PPP1R12A: variants seen among roughly 807,000 people sequenced by gnomAD.
PPP1R12A encodes the protein myosin binding subunit.
Under a neutral mutation model 139.6 loss-of-function variants are expected in PPP1R12A, and 19 were observed. That is an observed-to-expected ratio of 0.14 (90% CI 0.09 to 0.20). The LOEUF (loss-of-function observed/expected upper bound fraction) is 0.20. Among genes scored for constraint, PPP1R12A ranks in the 10% least tolerant of loss-of-function variants. The probability of loss-of-function intolerance (pLI) is 1.00; values close to 1 mark genes in which losing one functional copy is unlikely to be tolerated. For missense variants in PPP1R12A, 925 were observed against 1,211.5 expected, an observed-to-expected ratio of 0.76 and a Z score of 3.51; for synonymous variants, 427 against 420.6, an observed-to-expected ratio of 1.02 and a Z score of -0.19.
intron 18 of PPP1R12A, among the ~76,000 whole-genome samples, chr12:79,794,958 G>T (rs1015848791): frequency 6.6e-6 from 1 of 151,976 alleles, no homozygotes. Context: ...TGAAAATGAG[G>T]ATGATAGGGA....
chr12:79,882,225 A>G (rs1198932996), intron 1 of PPP1R12A, among the ~76,000 whole-genome samples: 1 of 152,198 alleles, frequency 6.6e-6, no homozygotes, highest in Admixed American at 6.5e-5. Flanking sequence ...GATTCCTCTG[A>G]TGGATCTGGG....
chr12:79,789,719 A>G, intron 20 of PPP1R12A: 1 of 442,144 alleles, frequency 2.3e-6, no homozygotes, highest in South Asian at 1.6e-5. Context: ...AATGGAGATC[A>G]AAATCAAGGA....
rs1474433434 is a variant in PPP1R12A at position 79,870,374 on chromosome 12, G to A, written c.368+2434C>T. On this transcript the variant is annotated intron_variant, in intron 2 of 24. Transcript: ENST00000450142. ...CAAGCAAGGCCTCCCAAACTGCTGG[G>A]ATTACAGGCATGAGCCACCATGCCC... Among the ~76,000 whole-genome samples the A allele has an allele frequency of 3.9e-5, 6 of 152,214 alleles. 1 individual carries two copies. Among genetic ancestry groups the A allele is most frequent in the African/African-American group, 1.2e-4 (5 of 41,544 alleles).
chr12:79,815,190 T>C (rs1875191738), intron 9 of PPP1R12A, among the ~76,000 whole-genome samples: 1 of 152,198 alleles, frequency 6.6e-6, no homozygotes, highest in Non-Finnish European at 1.5e-5. Context: ...ACAGGAAGTT[T>C]ACCGTAATCA....
intron 1 of PPP1R12A, among the ~76,000 whole-genome samples, chr12:79,890,647 T>C (rs1202018957): frequency 2.0e-5 from 3 of 152,146 alleles, no homozygotes; most frequent in Admixed American, 6.5e-5. Flanking sequence ...GCTTTCTAAT[T>C]AAACAATGGT....
chr12:79,924,260 A>G (rs1206609902), intron 1 of PPP1R12A, among the ~76,000 whole-genome samples: 2 of 152,198 alleles, frequency 1.3e-5, no homozygotes, highest in Non-Finnish European at 2.9e-5. Context: ...AATCTTGAAT[A>G]TGCTACAGAG....
intron 1 of PPP1R12A, among the ~76,000 whole-genome samples, chr12:79,894,648 C>T (rs562212770): frequency 6.6e-6 from 1 of 152,064 alleles, no homozygotes; most frequent in Admixed American, 6.5e-5. Flanking sequence ...GTTGATATTG[C>T]CTTAAAAAAA....
chr12:79,882,803 G>A (rs1390437479), intron 1 of PPP1R12A, among the ~76,000 whole-genome samples: 1 of 152,096 alleles, frequency 6.6e-6, no homozygotes, highest in Non-Finnish European at 1.5e-5. Context: ...CCAACCTTCA[G>A]CAACCACTGC....
At chr12:79,776,430 C>A (rs915309028) in intron 24 of PPP1R12A, among the ~76,000 whole-genome samples, 2 of 151,972 alleles carry the variant, frequency 1.3e-5, no homozygotes, top group Non-Finnish European at 2.9e-5. Context: ...TATTGTTCCA[C>A]AAGAAAGTCA....
chr12:79,890,718 T>C (rs187280092), intron 1 of PPP1R12A, among the ~76,000 whole-genome samples: 30 of 152,184 alleles, frequency 2.0e-4, no homozygotes, highest in Admixed American at 2.6e-4. Flanking sequence ...CATGGAGGCC[T>C]AGCTCAAAAC....
intron 1 of PPP1R12A, among the ~76,000 whole-genome samples, chr12:79,876,273 C>T (rs1883091023): frequency 6.6e-6 from 1 of 152,160 alleles, no homozygotes; most frequent in South Asian, 2.1e-4. Flanking sequence ...TACTTATTTA[C>T]CATCTGTTTA....
intron 2 of PPP1R12A, among the ~76,000 whole-genome samples, chr12:79,847,035 T>A (rs1174195493): frequency 5.3e-5 from 8 of 152,100 alleles, no homozygotes; most frequent in Admixed American, 3.9e-4. Flanking sequence ...AATAGTTTTT[T>A]AAAAAAAGTA....
intron 1 of PPP1R12A, among the ~76,000 whole-genome samples, chr12:79,919,091 G>C (rs1264341046): frequency 1.3e-5 from 2 of 151,934 alleles, no homozygotes; most frequent in Admixed American, 1.3e-4. Flanking sequence ...ACTCCAGACA[G>C]AGCAAGACTC....
At chr12:79,800,708 G>C (rs1873013654) in intron 14 of PPP1R12A, among the ~76,000 whole-genome samples, 1 of 150,198 alleles carries the variant, frequency 6.7e-6, no homozygotes, top group South Asian at 2.1e-4. Flanking sequence ...CAATGATCTA[G>C]TGAGTTTTCT....
intron 3 of PPP1R12A, among the ~76,000 whole-genome samples, chr12:79,835,747 G>A (rs1877994437): frequency 6.6e-6 from 1 of 152,078 alleles, no homozygotes; most frequent in African/African-American, 2.4e-5. Flanking sequence ...TTATGACTTG[G>A]TCTCAGTGCA....
chr12:79,915,101 T>C (rs1214826086), intron 1 of PPP1R12A, among the ~76,000 whole-genome samples: 2 of 152,146 alleles, frequency 1.3e-5, no homozygotes, highest in African/African-American at 4.8e-5. Flanking sequence ...ACACTGTAGG[T>C]AAGTATGCGG....
intron 1 of PPP1R12A, among the ~76,000 whole-genome samples, chr12:79,909,691 G>C (rs1886405131): frequency 6.7e-6 from 1 of 148,780 alleles, no homozygotes; most frequent in Non-Finnish European, 1.5e-5. Flanking sequence ...CCGAGATCAC[G>C]CTACTGTACT....
At chr12:79,880,290 A>G (rs951681251) in intron 1 of PPP1R12A, among the ~76,000 whole-genome samples, 1 of 152,170 alleles carries the variant, frequency 6.6e-6, no homozygotes. Flanking sequence ...TACATATTTG[A>G]GCATAATTTT....
intron 1 of PPP1R12A, among the ~76,000 whole-genome samples, chr12:79,919,562 A>G (rs922915809): frequency 6.6e-6 from 1 of 152,062 alleles, no homozygotes; most frequent in Admixed American, 6.6e-5. Context: ...CTCAAAAAAA[A>G]AAAAAAAGTC....
Sources: gnomAD v4.1 joint callset for allele counts (sites outside exome capture counted in the v4.1 genomes callset) on GRCh38, gnomAD v4.1.1 for gene constraint, MANE v1.5 for transcripts, NCBI Gene and HGNC (gene_info 2026-07-23, HGNC 2026-07-21) for gene names.